Variants in CTNNA3 observed in about 807,000 individuals in gnomAD.
The protein encoded by CTNNA3 is catenin alpha-3.
A neutral mutation model predicts 95.7 loss-of-function variants in CTNNA3; 76 were observed. That is an observed-to-expected ratio of 0.79 (90% CI 0.66 to 0.96). The LOEUF (loss-of-function observed/expected upper bound fraction) is 0.96, where lower values mean the gene tolerates loss of function less well. Ranked by LOEUF, CTNNA3 falls within the 40% of genes least tolerant of loss-of-function variation. The pLI, the probability that CTNNA3 is intolerant of heterozygous loss-of-function variation, is 0.00. For synonymous variants in CTNNA3, 431 were observed against 374.4 expected, an observed-to-expected ratio of 1.15 and a Z score of -1.74; for missense variants, 1,191 against 1,089.8, an observed-to-expected ratio of 1.09 and a Z score of -1.31.
At chr10:67,503,886 G>A (rs560282008) in intron 5 of CTNNA3, among the ~76,000 whole-genome samples, 19 of 152,092 alleles carry the variant, frequency 1.2e-4, no homozygotes, top group Admixed American at 3.9e-4. Flanking sequence ...AGCCAGGCGC[G>A]GTGGCTCATG....
intron 5 of CTNNA3, among the ~76,000 whole-genome samples, chr10:67,335,994 T>G (rs1564575639): frequency 6.6e-6 from 1 of 152,152 alleles, no homozygotes; most frequent in Non-Finnish European, 1.5e-5. Flanking sequence ...TTTGGTAATT[T>G]CCACAATATT....
chr10:66,402,382 T>C (rs1484196447), intron 11 of CTNNA3, among the ~76,000 whole-genome samples: 3 of 144,228 alleles, frequency 2.1e-5, no homozygotes, highest in African/African-American at 8.5e-5. Flanking sequence ...ATTTATTAAA[T>C]GTTCAGTACC....
chr10:67,257,897 C>T (rs1037042748), intron 5 of CTNNA3, among the ~76,000 whole-genome samples: 10 of 152,064 alleles, frequency 6.6e-5, no homozygotes, highest in South Asian at 4.1e-4. Flanking sequence ...AGCTGAAAAG[C>T]AATAGCTGTT....
At chr10:66,284,097 C>T (rs868037647) in intron 12 of CTNNA3, among the ~76,000 whole-genome samples, 32 of 151,556 alleles carry the variant, frequency 2.1e-4, no homozygotes, top group Admixed American at 1.7e-3. Context: ...CAAACAAAGG[C>T]GGCCTTTTGG....
intron 7 of CTNNA3, among the ~76,000 whole-genome samples, chr10:66,831,957 T>C (rs1288489336): frequency 6.6e-6 from 1 of 152,172 alleles, no homozygotes; most frequent in Non-Finnish European, 1.5e-5. Context: ...GTATGGAATA[T>C]AGAGCAAATC....
chr10:67,063,988 A>G (rs963089777), intron 7 of CTNNA3, among the ~76,000 whole-genome samples: 3 of 152,156 alleles, frequency 2.0e-5, no homozygotes, highest in African/African-American at 4.8e-5. Flanking sequence ...AGTCAGTTGG[A>G]TGGAATTTTA....
chr10:67,714,119 A>C (rs976333066), intron 1 of CTNNA3, among the ~76,000 whole-genome samples: 5 of 152,204 alleles, frequency 3.3e-5, no homozygotes, highest in African/African-American at 9.6e-5. Flanking sequence ...GAGCCCCCAC[A>C]CAGAGTCCCT....
chr10:66,883,592 A>T (rs1844926760), intron 7 of CTNNA3, among the ~76,000 whole-genome samples: 1 of 152,174 alleles, frequency 6.6e-6, no homozygotes, highest in South Asian at 2.1e-4. Flanking sequence ...GGTAGATACC[A>T]AAATGCCCAT....
Position 67,381,323 on chromosome 10 carries a change from T to C in CTNNA3, c.579+140519A>G, listed in dbSNP as rs147839322. 5.0e-3 allele frequency among the ~76,000 whole-genome samples: 756 copies of C among 152,212 alleles called. 5 individuals are homozygous for C. Among genetic ancestry groups the C allele is most frequent in the African/African-American group, 0.017 (709 of 41,542 alleles). ...ACAAAGCAATTTAGTGGTAAAAACA[T>C]TCTCTATAAATTCAATCTTCTTAAC... On this transcript the variant is annotated intron_variant, in intron 5 of 17. Transcript: ENST00000433211.
At chr10:66,939,731 T>C (rs1201131056) in intron 7 of CTNNA3, among the ~76,000 whole-genome samples, 1 of 152,218 alleles carries the variant, frequency 6.6e-6, no homozygotes, top group African/African-American at 2.4e-5. Context: ...GATTCTTTTT[T>C]GGAACATACG....
At chr10:66,033,784 A>T (rs1265337243) in intron 15 of CTNNA3, among the ~76,000 whole-genome samples, 1 of 152,130 alleles carries the variant, frequency 6.6e-6, no homozygotes, top group Non-Finnish European at 1.5e-5. Context: ...CAACCAGATG[A>T]CATTTTTTTC....
intron 14 of CTNNA3, among the ~76,000 whole-genome samples, chr10:66,071,344 T>C (rs1193393844): frequency 1.1e-4 from 3 of 28,386 alleles, no homozygotes; most frequent in African/African-American, 3.2e-4. Flanking sequence ...TAAGATTATA[T>C]TGTGTAACTA....
intron 4 of CTNNA3, among the ~76,000 whole-genome samples, chr10:67,531,451 C>T (rs1317890406): frequency 4.6e-5 from 7 of 152,188 alleles, no homozygotes; most frequent in African/African-American, 1.7e-4. Flanking sequence ...ATTTGACTGC[C>T]CTGATGGATT....
intron 7 of CTNNA3, among the ~76,000 whole-genome samples, chr10:66,924,056 G>A (rs1443901400): frequency 6.6e-6 from 1 of 152,070 alleles, no homozygotes; most frequent in East Asian, 1.9e-4. Flanking sequence ...CCTTCACAGT[G>A]AGTTTCTTAA....
At chr10:67,444,470 T>C (rs1156452379) in intron 5 of CTNNA3, among the ~76,000 whole-genome samples, 1 of 151,706 alleles carries the variant, frequency 6.6e-6, no homozygotes, top group African/African-American at 2.4e-5. Context: ...AATAACCTAA[T>C]GATGAATTTT....
chr10:66,711,102 T>C (rs1241059294), intron 9 of CTNNA3, among the ~76,000 whole-genome samples: 1 of 152,008 alleles, frequency 6.6e-6, no homozygotes, highest in African/African-American at 2.4e-5. Context: ...AATACATTTT[T>C]GGTGAGTGAA....
chr10:67,608,608 C>A (rs1290235521), intron 2 of CTNNA3, among the ~76,000 whole-genome samples: 2 of 151,998 alleles, frequency 1.3e-5, no homozygotes, highest in Admixed American at 1.3e-4. Context: ...CAAAACATCA[C>A]AGGGTACACC....
chr10:66,999,322 T>C (rs1187659105), intron 7 of CTNNA3, among the ~76,000 whole-genome samples: 1 of 152,148 alleles, frequency 6.6e-6, no homozygotes, highest in Non-Finnish European at 1.5e-5. Flanking sequence ...CACTGGAATC[T>C]GAAATTATCA....
At chr10:66,999,401 G>A (rs1463623411) in intron 7 of CTNNA3, among the ~76,000 whole-genome samples, 1 of 152,064 alleles carries the variant, frequency 6.6e-6, no homozygotes, top group Non-Finnish European at 1.5e-5. Flanking sequence ...ATCAAGGATA[G>A]GTAAGCATCT....
Sources: gnomAD v4.1 joint callset for allele counts (sites outside exome capture counted in the v4.1 genomes callset) on GRCh38, gnomAD v4.1.1 for gene constraint, MANE v1.5 for transcripts, NCBI Gene and HGNC (gene_info 2026-07-23, HGNC 2026-07-21) for gene names.